PLCL2: variants seen among roughly 807,000 people sequenced by gnomAD.
PLCL2 encodes the protein phospholipase C like 2.
PLCL2 carries 4 observed loss-of-function variants against 79.6 expected under a neutral mutation model. The observed-to-expected ratio is 0.05, with a 90% CI of 0.02 to 0.11. The LOEUF (loss-of-function observed/expected upper bound fraction) is 0.11. Ranked by LOEUF, PLCL2 falls within the 10% of genes least tolerant of loss-of-function variation. The probability of loss-of-function intolerance (pLI) is 1.00; values close to 1 mark genes in which losing one functional copy is unlikely to be tolerated. For missense variants in PLCL2, 895 were observed against 1,291.0 expected, an observed-to-expected ratio of 0.69 and a Z score of 4.70; for synonymous variants, 484 against 457.7, an observed-to-expected ratio of 1.06 and a Z score of -0.73.
chr3:16,968,896 G>A (rs1393131491), intron 1 of PLCL2, among the ~76,000 whole-genome samples: 5 of 152,034 alleles, frequency 3.3e-5, no homozygotes, highest in Non-Finnish European at 7.4e-5. Context: ...GTTATAGATG[G>A]CTGTTATTAT....
chr3:16,947,043 C>T (rs1029496394), intron 1 of PLCL2, among the ~76,000 whole-genome samples: 5 of 148,194 alleles, frequency 3.4e-5, no homozygotes, highest in African/African-American at 7.5e-5. Flanking sequence ...GCAGCCTCGA[C>T]CCCCTGGGCT....
chr3:16,961,249 C>A (rs911008135), intron 1 of PLCL2, among the ~76,000 whole-genome samples: 35 of 152,160 alleles, frequency 2.3e-4, no homozygotes, highest in African/African-American at 8.4e-4. Context: ...GTTCTTATAT[C>A]AAATCCAAAG....
intron 1 of PLCL2, among the ~76,000 whole-genome samples, chr3:16,907,728 AGC>A (rs1431444825): frequency 6.6e-6 from 1 of 152,200 alleles, no homozygotes; most frequent in Non-Finnish European, 1.5e-5. Context: ...AGTAAAGCAC[AGC>A]TTTCAATAAT....
In PLCL2 at chr3:17,032,982, G is replaced by A. The variant is rs371777201; in HGVS notation, c.3019-9892G>A. Among the ~76,000 whole-genome samples the A allele has an allele frequency of 2.0e-4, 31 of 152,242 alleles. No homozygotes were observed. The East Asian group carries it at 4.2e-3, about 21-fold the overall frequency. ...GATAGAGACATTGATTGTGTTAGAG[G>A]AGGCTTTTTATAATTTGAAAATTCA... is the stretch of plus-strand genomic sequence containing the variant. On this transcript the variant is annotated intron_variant, in intron 3 of 5. Coordinates refer to ENST00000615277, the MANE Select transcript of PLCL2 (RefSeq NM_001144382.2).
chr3:16,919,078 T>A (rs1354597526), intron 1 of PLCL2, among the ~76,000 whole-genome samples: 1 of 152,160 alleles, frequency 6.6e-6, no homozygotes, highest in Non-Finnish European at 1.5e-5. Context: ...TTAATTAAAA[T>A]TTTTAGTTTT....
At chr3:17,034,152 C>T (rs935965345) in intron 3 of PLCL2, among the ~76,000 whole-genome samples, 3 of 152,194 alleles carry the variant, frequency 2.0e-5, no homozygotes, top group African/African-American at 7.2e-5. Flanking sequence ...CCTCCAGGTA[C>T]ACCAGGTACA....
At chr3:16,959,793 G>T (rs1212437132) in intron 1 of PLCL2, among the ~76,000 whole-genome samples, 1 of 152,160 alleles carries the variant, frequency 6.6e-6, no homozygotes, top group Non-Finnish European at 1.5e-5. Context: ...TCCAGCTTGA[G>T]AACCTGTAAT....
At chr3:16,977,046 T>TA (rs1364010654) in intron 1 of PLCL2, among the ~76,000 whole-genome samples, 1 of 152,126 alleles carries the variant, frequency 6.6e-6, no homozygotes, top group Non-Finnish European at 1.5e-5. Flanking sequence ...CATTATTCAT[T>TA]AAAAAAATCA....
At chr3:17,036,309 A>G (rs995235900) in intron 3 of PLCL2, among the ~76,000 whole-genome samples, 1 of 152,170 alleles carries the variant, frequency 6.6e-6, no homozygotes, top group Non-Finnish European at 1.5e-5. Flanking sequence ...GACTTATATT[A>G]TGTTCAAGTA....
chr3:17,071,947 C>T (rs1374677467), intron 5 of PLCL2, among the ~76,000 whole-genome samples: 2 of 152,086 alleles, frequency 1.3e-5, no homozygotes, highest in African/African-American at 4.8e-5. Context: ...CTGCCTCAGC[C>T]TCCCAAATAG....
chr3:17,089,959 T>C lies in PLCL2; in HGVS notation c.*47T>C, dbSNP rs1048318054. On this transcript the variant is annotated 3_prime_UTR_variant, in exon 6 of 6. Transcript: ENST00000615277. ...ATGGAGTTTATAACTCTAGGACCAA[T>C]TGTAGTCAGATGGGACATTTGCTTT... is the stretch of plus-strand genomic sequence containing the variant. 2.6e-6 allele frequency: 4 copies of C among 1,560,190 alleles called. No homozygotes were observed. Among genetic ancestry groups the C allele is most frequent in the Admixed American group, 3.9e-5 (2 of 50,818 alleles).
chr3:16,896,358 C>A (rs914736167), intron 1 of PLCL2, among the ~76,000 whole-genome samples: 12 of 152,058 alleles, frequency 7.9e-5, no homozygotes, highest in Non-Finnish European at 1.6e-4. Context: ...CTGGATCTTC[C>A]TTGGAATATA....
rs539219463 is a variant in PLCL2 at position 16,896,185 on chromosome 3, C to T, written c.327+10819C>T. Among the ~76,000 whole-genome samples the T allele has an allele frequency of 2.6e-5, 4 of 152,290 alleles. No individual in the cohort carries two copies. In the East Asian group the frequency reaches 5.8e-4, roughly 22 times the overall value. ...TTACTTCCTCCTGCACTATTTAGGG[C>T]CGTGCCTTTTACAGTTTTTTGCTGT... On this transcript the variant is annotated intron_variant, in intron 1 of 5. Transcript: ENST00000615277.
chr3:16,896,083 G>A (rs1231849221), intron 1 of PLCL2, among the ~76,000 whole-genome samples: 1 of 152,138 alleles, frequency 6.6e-6, no homozygotes, highest in African/African-American at 2.4e-5. Context: ...TTTTCTGGAA[G>A]TCTATCATAC....
chr3:17,041,350 G>A (rs2064719268), intron 3 of PLCL2, among the ~76,000 whole-genome samples: 1 of 152,110 alleles, frequency 6.6e-6, no homozygotes, highest in Non-Finnish European at 1.5e-5. Context: ...CCACACAGGG[G>A]CTGCCTGCAG....
At chr3:17,052,927 C>G (rs1490651266) in intron 4 of PLCL2, among the ~76,000 whole-genome samples, 1 of 152,144 alleles carries the variant, frequency 6.6e-6, no homozygotes, top group African/African-American at 2.4e-5. Flanking sequence ...ACCAGTAAAG[C>G]ATCCATCAGG....
At chr3:16,896,280 T>C (rs1696477661) in intron 1 of PLCL2, among the ~76,000 whole-genome samples, 1 of 151,978 alleles carries the variant, frequency 6.6e-6, no homozygotes. Flanking sequence ...GCTAAAGCCC[T>C]GCACTAGTTG....
At chr3:17,006,259 GA>G (rs2064259342) in intron 1 of PLCL2, among the ~76,000 whole-genome samples, 1 of 152,212 alleles carries the variant, frequency 6.6e-6, no homozygotes, top group Non-Finnish European at 1.5e-5. Flanking sequence ...AAGTTGAAAT[GA>G]GTAAGAGTGG....
At chr3:16,991,088 C>G (rs2064100428) in intron 1 of PLCL2, among the ~76,000 whole-genome samples, 2 of 152,158 alleles carry the variant, frequency 1.3e-5, no homozygotes, top group African/African-American at 2.4e-5. Flanking sequence ...TTCTTCTTAC[C>G]CAGCCTTCAG....
Sources: gnomAD v4.1 joint callset for allele counts (sites outside exome capture counted in the v4.1 genomes callset) on GRCh38, gnomAD v4.1.1 for gene constraint, MANE v1.5 for transcripts, NCBI Gene and HGNC (gene_info 2026-07-23, HGNC 2026-07-21) for gene names.